MMEL1: variants seen among roughly 807,000 people sequenced by gnomAD.
MMEL1 encodes the protein membrane metallo-endopeptidase-like 1.
A neutral mutation model predicts 117.1 loss-of-function variants in MMEL1; 98 were observed. That is an observed-to-expected ratio of 0.84 (90% CI 0.71 to 0.99). The LOEUF (loss-of-function observed/expected upper bound fraction) is 0.99. Among genes scored for constraint, MMEL1 ranks in the 50% least tolerant of loss-of-function variants. The pLI is 0.00. For synonymous variants in MMEL1, 390 were observed against 415.1 expected, an observed-to-expected ratio of 0.94 and a Z score of 0.74; for missense variants, 1,014 against 1,049.1, an observed-to-expected ratio of 0.97 and a Z score of 0.46.
At chr1:2,618,800 A>T (rs1320188728) in intron 2 of MMEL1, among the ~76,000 whole-genome samples, 1 of 152,224 alleles carries the variant, frequency 6.6e-6, no homozygotes, top group Admixed American at 6.5e-5. Context: ...TTACATTTTT[A>T]AAAAAGAAAA....
At position 2,609,813 on chromosome 1, in the gene MMEL1, T is replaced by C; in HGVS notation, c.311A>G (p.Asn104Ser). The C allele has an allele frequency of 6.2e-7, 1 of 1,611,008 alleles. No homozygotes were observed. Among genetic ancestry groups the C allele is most frequent in the South Asian group, 1.1e-5 (1 of 90,534 alleles). The change falls in exon 5 of 24, where the codon AAC (asparagine) becomes AGC (serine). Residue 104 changes from asparagine (N) to serine (S), a missense_variant. Transcript: ENST00000378412. ...ACACGGTTCCGTGGTCGGGTCCATG[T>C]TCTGGAGGATCCTGGCAGCTGCTCG... The part of the protein sequence containing the change: ...CVIAAARILQ[N>S]MDPTTEPCDD...
At position 2,611,286 on chromosome 1, in the gene MMEL1, AT is replaced by A. The variant is rs772712586; in HGVS notation, c.286del (p.Ile96Ter). On this transcript the variant is annotated frameshift_variant, in exon 4 of 24. Transcript: ENST00000378412. LOFTEE classifies it high-confidence loss of function. The stretch of plus-strand genomic sequence containing the variant: ...GGCAAGGGGGCGGGGCTTACCTGCT[AT>A]CACGCAGCCAGGGGTGGTGCAGACC... ...SEVCTTPGCV[I>X]AAARILQNMD... 5 of 1,578,996 alleles carry A rather than the reference AT, an allele frequency of 3.2e-6. No homozygotes were observed. Among genetic ancestry groups the A allele is most frequent in the Non-Finnish European group, 4.3e-6 (5 of 1,164,350 alleles).
At chr1:2,610,202 G>A (rs1289016931) in intron 4 of MMEL1, among the ~76,000 whole-genome samples, 4 of 151,998 alleles carry the variant, frequency 2.6e-5, no homozygotes, top group Non-Finnish European at 4.4e-5. Flanking sequence ...CTCCTCTCCC[G>A]AATGCCTTTT....
rs1645149704 is a variant in MMEL1, at chr1:2,612,739, G to A, written c.155-535C>T. On this transcript the variant is annotated intron_variant, in intron 2 of 23. Transcript: ENST00000378412. The surrounding 1 kb of genome is among the most constrained non-coding windows in gnomAD (Gnocchi z 5.4). The stretch of plus-strand genomic sequence containing the variant: ...GCCACCCTCCCTCCATCTCTCTACT[G>A]CCTGCTGGGAGGGGCCTGCCTGGTC... Among the ~76,000 whole-genome samples the A allele has an allele frequency of 6.6e-6, 1 of 152,108 alleles. No homozygotes were observed. The highest frequency in any genetic ancestry group is 6.5e-5 in the Admixed American group (1 of 15,284).
rs773219897 is a variant in MMEL1 at position 2,609,390 on chromosome 1, G to T, written c.484C>A (p.Arg162=). ...AVLENSTAKD[R]PAVEKARTLY... ...GTCCTGGCCTTCTCCACAGCCGGCC[G>T]GTCCTTGGCAGTCGAATTCTCCAGC... Residue 162 remains arginine (R), a synonymous_variant, in exon 6 of 24, where the codon CGG becomes AGG. Transcript: ENST00000378412. The T allele has an allele frequency of 2.5e-6, 4 of 1,611,826 alleles. No individual in the cohort carries two copies. Among genetic ancestry groups the T allele is most frequent in the Non-Finnish European group, 3.4e-6 (4 of 1,179,406 alleles).
intron 6 of MMEL1, among the ~76,000 whole-genome samples, chr1:2,609,102 G>A (rs1363753859): frequency 1.3e-5 from 2 of 151,616 alleles, no homozygotes; most frequent in African/African-American, 2.4e-5. Flanking sequence ...AGCCTGGAAC[G>A]TGTGGCCTGT....
intron 10 of MMEL1, 23 bp downstream of exon 10, chr1:2,604,122 TCC>T: frequency 7.4e-7 from 1 of 1,357,430 alleles, no homozygotes; most frequent in Non-Finnish European, 1.0e-6. Flanking sequence ...CGCTGCCCGC[TCC>T]CCACCCGCCC....
chr1:2,609,784 C>T lies in MMEL1; in HGVS notation c.340G>A (p.Asp114Asn), dbSNP rs764804206. 2.5e-6 allele frequency: 4 copies of T among 1,613,682 alleles called. No individual in the cohort carries two copies. The highest frequency in any genetic ancestry group is 4.5e-5 in the East Asian group (2 of 44,874). Residue 114 changes from aspartate to asparagine, a missense_variant, in exon 5 of 24, where the codon GAC becomes AAC. By Grantham distance (23) the Asp-to-Asn change is conservative. Transcript: ENST00000378412. ...CCTCCGCATGCAAACTGGTAGAAGT[C>T]GTCACACGGTTCCGTGGTCGGGTCC... is the stretch of plus-strand genomic sequence containing the variant. The part of the protein sequence containing the change: ...NMDPTTEPCD[D>N]FYQFACGGWL...
chr1:2,609,834 G>C lies in MMEL1; in HGVS notation c.293-3C>G. 2 of 1,601,636 alleles carry C rather than the reference G, an allele frequency of 1.2e-6. No individual in the cohort carries two copies. Among genetic ancestry groups the C allele is most frequent in the Non-Finnish European group, 1.7e-6 (2 of 1,173,788 alleles). ...CATGTTCTGGAGGATCCTGGCAGCT[G>C]CTCGTCCCCATGGCGTGGAGCAGGG... On this transcript the variant is annotated splice_region_variant and splice_polypyrimidine_tract_variant and intron_variant, in intron 4 of 23. Coordinates refer to ENST00000378412, the MANE Select transcript of MMEL1 (RefSeq NM_033467.4).
At chr1:2,631,821 G>C (rs1277365264) in intron 1 of MMEL1, among the ~76,000 whole-genome samples, 1 of 152,114 alleles carries the variant, frequency 6.6e-6, no homozygotes, top group African/African-American at 2.4e-5. Flanking sequence ...GCCCATCTCA[G>C]TCGGACCCTT....
At chr1:2,603,801 C>A in intron 11 of MMEL1, 83 bp downstream of exon 11, 2 of 1,234,992 alleles carry the variant, frequency 1.6e-6, no homozygotes. Context: ...TGCCAGGCAA[C>A]GTGCCCTCTC....
chr1:2,597,662 C>T (rs1442705173), intron 13 of MMEL1, among the ~76,000 whole-genome samples: 1 of 152,182 alleles, frequency 6.6e-6, no homozygotes, highest in African/African-American at 2.4e-5. Context: ...CTTGTCTCCA[C>T]CCTCACCCCA....
intron 13 of MMEL1, 148 bp from the exon 14 acceptor site, chr1:2,596,837 C>T (rs1481711500): frequency 3.5e-6 from 3 of 860,920 alleles, no homozygotes; most frequent in Non-Finnish European, 5.3e-6. Flanking sequence ...TGATCTCAGC[C>T]TCACCTCTGG....
intron 5 of MMEL1, 117 bp downstream of exon 5, chr1:2,609,546 CCTCTGCG>C: frequency 6.6e-7 from 1 of 1,517,654 alleles, no homozygotes; most frequent in Non-Finnish European, 9.0e-7. Context: ...TATTCCCTCT[CCTCTGCG>C]CCCACTGGAC....
chr1:2,596,883 T>C (rs750586927), intron 13 of MMEL1, among the ~76,000 whole-genome samples, 194 bp from the exon 14 acceptor site: 1 of 151,976 alleles, frequency 6.6e-6, no homozygotes, highest in Non-Finnish European at 1.5e-5. Flanking sequence ...GGGCATGGTA[T>C]TGTGATTGGG....
intron 22 of MMEL1, 44 bp from the exon 23 acceptor site, chr1:2,591,677 TG>T: frequency 2.3e-6 from 1 of 441,164 alleles, no homozygotes. Flanking sequence ...CGTGGTGGGG[TG>T]GCCAGGAGGG....
At chr1:2,593,688 G>A in intron 19 of MMEL1, 126 bp downstream of exon 19, 1 of 1,333,316 alleles carries the variant, frequency 7.5e-7, no homozygotes. Context: ...ACAGCTCCCT[G>A]AGGACCTGGC....
rs1368358538 is a variant in MMEL1, at chr1:2,596,421, G to A, written c.1401+140C>T. ...GGGGTCAGGGGCATGGGGTGGGCAC[G>A]GCTTCCCTTAGCCTCCCTCTGTCTG... On this transcript the variant is annotated intron_variant, in intron 14 of 23. Transcript: ENST00000378412. 7 of 1,252,130 alleles carry A rather than the reference G, an allele frequency of 5.6e-6. No individual in the cohort carries two copies. The Admixed American group carries it at 1.2e-4, about 22-fold the overall frequency. 77.6% of individuals were successfully genotyped at this position (1,252,130 alleles called of 1,614,324 possible). A position where few individuals can be genotyped will look rare whatever the true frequency, so the allele number is the denominator to read the frequency against.
Position 2,606,834 on chromosome 1 carries a change from G to A in MMEL1, c.631+140C>T. The A allele has an allele frequency of 1.6e-5, 12 of 746,688 alleles. 1 individual carries two copies. The South Asian group carries it at 1.8e-4, about 11-fold the overall frequency. 46.3% of individuals were successfully genotyped at this position (746,688 alleles called of 1,614,324 possible). A position where few individuals can be genotyped will look rare whatever the true frequency, so the allele number is the denominator to read the frequency against. ...CAGGACCCTGAGGTTGCCCCGGCTG[G>A]GTTGGGCCTCTTGGGGCTCCTGAGA... is the stretch of plus-strand genomic sequence containing the variant. On this transcript the variant is annotated intron_variant, in intron 7 of 23. Coordinates refer to ENST00000378412, the MANE Select transcript of MMEL1 (RefSeq NM_033467.4).
Sources: gnomAD v4.1 joint callset for allele counts (sites outside exome capture counted in the v4.1 genomes callset) on GRCh38, gnomAD v4.1.1 for gene constraint, Gnocchi (gnomAD v3.1) non-coding constraint, MANE v1.5 for transcripts, NCBI Gene and HGNC (gene_info 2026-07-23, HGNC 2026-07-21) for gene names.